ACAD11: variants seen among roughly 807,000 people sequenced by gnomAD.
ACAD11 encodes the protein acyl-CoA dehydrogenase family member 11.
In ACAD11, 83 loss-of-function variants were observed where a neutral mutation model predicts 102.2. That is an observed-to-expected ratio of 0.81 (90% CI 0.68 to 0.97). ACAD11 has a LOEUF of 0.97. Among genes scored for constraint, ACAD11 ranks in the 50% least tolerant of loss-of-function variants. The pLI, the probability that ACAD11 is intolerant of heterozygous loss-of-function variation, is 0.00. For synonymous variants in ACAD11, 324 were observed against 319.8 expected, an observed-to-expected ratio of 1.01 and a Z score of -0.14; for missense variants, 901 against 951.7, an observed-to-expected ratio of 0.95 and a Z score of 0.70.
chr3:132,610,080 C>G (rs775845316), intron 11 of ACAD11, among the ~76,000 whole-genome samples: 5 of 152,180 alleles, frequency 3.3e-5, no homozygotes, highest in South Asian at 2.1e-4. Context: ...ATTAAACACC[C>G]CTTCATGCAA....
At chr3:132,563,469 C>T (rs1001959799) in intron 17 of ACAD11, among the ~76,000 whole-genome samples, 3 of 152,054 alleles carry the variant, frequency 2.0e-5, no homozygotes, top group Admixed American at 6.6e-5. Flanking sequence ...TATTATATCA[C>T]TTTTTTCTAC....
chr3:132,603,945 C>G (rs1020498868), intron 12 of ACAD11, among the ~76,000 whole-genome samples: 1 of 152,116 alleles, frequency 6.6e-6, no homozygotes, highest in Non-Finnish European at 1.5e-5. Flanking sequence ...CTTCAGATAT[C>G]CCATGTGTTC....
intron 1 of ACAD11, among the ~76,000 whole-genome samples, chr3:132,655,058 A>T: frequency 6.6e-6 from 1 of 152,236 alleles, no homozygotes; most frequent in East Asian, 1.9e-4. Context: ...TAGAAAAGGT[A>T]CAGTAAAAAC....
intron 5 of ACAD11, 31 bp downstream of exon 5, chr3:132,639,461 C>T: frequency 6.3e-7 from 1 of 1,599,502 alleles, no homozygotes; most frequent in East Asian, 2.2e-5. Flanking sequence ...AACAGACCTA[C>T]TCAATTAATT....
intron 8 of ACAD11, among the ~76,000 whole-genome samples, chr3:132,627,322 T>C (rs57632080): frequency 0.37 from 56,787 of 152,002 alleles, 13,314 homozygotes; most frequent in East Asian, 0.71. Flanking sequence ...GCCCTCCTCA[T>C]CCTTTAATGT....
At chr3:132,648,007 T>C (rs1576621958) in intron 1 of ACAD11, among the ~76,000 whole-genome samples, 2 of 152,100 alleles carry the variant, frequency 1.3e-5, no homozygotes, top group East Asian at 3.9e-4. Flanking sequence ...TCTAATCATC[T>C]CCCAAAGACC....
chr3:132,655,109 C>T (rs1313499545), intron 1 of ACAD11, among the ~76,000 whole-genome samples: 1 of 152,170 alleles, frequency 6.6e-6, no homozygotes, highest in East Asian at 1.9e-4. Context: ...GTATATGCAG[C>T]CCGTCATTGA....
intron 13 of ACAD11, among the ~76,000 whole-genome samples, chr3:132,599,827 A>G (rs982733213): frequency 1.3e-5 from 2 of 152,152 alleles, no homozygotes; most frequent in East Asian, 1.9e-4. Context: ...TGTTTTATAA[A>G]AGGCAACTAG....
intron 10 of ACAD11, 64 bp from the exon 11 acceptor site, chr3:132,618,836 T>C: frequency 7.2e-7 from 1 of 1,385,380 alleles, no homozygotes. Context: ...AGTTTATTTC[T>C]TTTTTTAAAT....
chr3:132,636,573 T>C (rs1940281772), intron 5 of ACAD11, among the ~76,000 whole-genome samples: 1 of 152,220 alleles, frequency 6.6e-6, no homozygotes, highest in South Asian at 2.1e-4. Context: ...TTGAATGTGA[T>C]AGGACATGCA....
At chr3:132,659,510 G>A in intron 1 of ACAD11, 93 bp downstream of exon 1, 2 of 1,563,512 alleles carry the variant, frequency 1.3e-6, no homozygotes, top group Admixed American at 1.8e-5. Context: ...AGCAATCAGG[G>A]TGGGAGAAAC....
At chr3:132,618,404 C>T in intron 11 of ACAD11, 1 of 450,322 alleles carries the variant, frequency 2.2e-6, no homozygotes, top group Non-Finnish European at 3.8e-6. Flanking sequence ...CCTTTGGTGG[C>T]TAATTTTTTT....
In ACAD11 at chr3:132,559,914, C is replaced by G. The variant is rs757017604; in HGVS notation, c.2147G>C (p.Arg716Pro). The change falls in exon 19 of 20, where the codon CGG becomes CCG. Residue 716 changes from arginine to proline, a missense_variant. Coordinates refer to ENST00000264990, the MANE Select transcript of ACAD11 (RefSeq NM_032169.5). ...CCAGTCAACGATTTTGCTGACAGCC[C>G]GTGGGGCAGCCACTTTGATCATTGC... is the stretch of plus-strand genomic sequence containing the variant. ...EIAMIKVAAP[R>P]AVSKIVDWAI... The G allele has an allele frequency of 6.2e-7, 1 of 1,613,100 alleles. No individual in the cohort carries two copies. Among genetic ancestry groups the G allele is most frequent in the Non-Finnish European group, 8.5e-7 (1 of 1,179,512 alleles).
intron 13 of ACAD11, among the ~76,000 whole-genome samples, chr3:132,584,460 C>T (rs1294199539): frequency 6.6e-6 from 1 of 152,094 alleles, no homozygotes; most frequent in Admixed American, 6.5e-5. Context: ...TGTCTCTGCA[C>T]GTGAGATGGG....
intron 13 of ACAD11, among the ~76,000 whole-genome samples, chr3:132,587,936 C>A (rs957849348): frequency 6.6e-6 from 1 of 152,200 alleles, no homozygotes; most frequent in Non-Finnish European, 1.5e-5. Flanking sequence ...CTCCCCTTTT[C>A]TGGCTTTTTC....
rs1937047302 is a variant in ACAD11 at position 132,561,224 on chromosome 3, G to A, written c.2002-7C>T. On this transcript the variant is annotated splice_polypyrimidine_tract_variant and splice_region_variant and intron_variant, in intron 17 of 19. Coordinates refer to ENST00000264990, the MANE Select transcript of ACAD11 (RefSeq NM_032169.5). ...TCCAGTGAGCCACAACCTCCTATAG[G>A]GGAGGAAAAGGCAGCAAAAGAAGGA... The A allele has an allele frequency of 6.2e-7, 1 of 1,606,796 alleles. No homozygotes were observed. Among genetic ancestry groups the A allele is most frequent in the Non-Finnish European group, 8.5e-7 (1 of 1,173,818 alleles).
chr3:132,610,864 C>A (rs985914383), intron 11 of ACAD11, among the ~76,000 whole-genome samples: 3 of 152,196 alleles, frequency 2.0e-5, no homozygotes. Flanking sequence ...TCCTCCCTAA[C>A]TCATTTTATG....
At chr3:132,644,691 A>G (rs2107889907) in intron 2 of ACAD11, 106 bp downstream of exon 2, 1 of 460,396 alleles carries the variant, frequency 2.2e-6, no homozygotes, top group Non-Finnish European at 3.8e-6. Flanking sequence ...TATATTTTAT[A>G]TTATTTGGCA....
At position 132,565,033 on chromosome 3, in the gene ACAD11, C is replaced by T. The variant is rs542150931; in HGVS notation, c.2002-3816G>A. Among the ~76,000 whole-genome samples, 9 of 152,298 alleles carry T rather than the reference C, an allele frequency of 5.9e-5. No homozygotes were observed. The East Asian group carries it at 1.7e-3, about 29-fold the overall frequency. Reference sequence around the variant, plus strand: ...TAAAGCACCCCAACAAAAGTATAATCTCTCTAACCAAAGGATCAGGAAAGA... The same window carrying T: ...TAAAGCACCCCAACAAAAGTATAATTTCTCTAACCAAAGGATCAGGAAAGA... On this transcript the variant is annotated intron_variant, in intron 17 of 19. Coordinates refer to ENST00000264990, the MANE Select transcript of ACAD11 (RefSeq NM_032169.5).
Sources: allele counts gnomAD v4.1 joint callset (sites outside exome capture counted in the v4.1 genomes callset), GRCh38; gene constraint gnomAD v4.1.1; transcripts MANE v1.5; gene names NCBI Gene and HGNC (gene_info 2026-07-23, HGNC 2026-07-21).